The following EFCAB11 variants were observed in gnomAD, a reference collection of about 807,000 sequenced individuals.
The protein encoded by EFCAB11 is EF-hand calcium-binding domain-containing protein 11.
A neutral mutation model predicts 23.0 loss-of-function variants in EFCAB11; 14 were observed. The ratio of observed to expected loss-of-function variants is 0.61; its 90% CI spans 0.40 to 0.95. The LOEUF (loss-of-function observed/expected upper bound fraction) is 0.95. Among genes scored for constraint, EFCAB11 ranks in the 40% least tolerant of loss-of-function variants. The probability of loss-of-function intolerance (pLI) is 0.00; values close to 1 mark genes in which losing one functional copy is unlikely to be tolerated. For synonymous variants in EFCAB11, 65 were observed against 66.6 expected, an observed-to-expected ratio of 0.98 and a Z score of 0.11; for missense variants, 198 against 195.8, an observed-to-expected ratio of 1.01 and a Z score of -0.07.
At chr14:89,921,233 G>A (rs1335956335) in intron 5 of EFCAB11, among the ~76,000 whole-genome samples, 8 of 152,114 alleles carry the variant, frequency 5.3e-5, no homozygotes, top group Non-Finnish European at 1.2e-4. Flanking sequence ...ACAGTATATG[G>A]CAAGAAGACC....
intron 5 of EFCAB11, among the ~76,000 whole-genome samples, chr14:89,853,210 G>C (rs1447335625): frequency 6.6e-6 from 1 of 152,304 alleles, no homozygotes; most frequent in South Asian, 2.1e-4. Flanking sequence ...AATAAAGTCA[G>C]CTAATTGGAG....
chr14:89,915,552 C>T (rs1054821784), intron 5 of EFCAB11, among the ~76,000 whole-genome samples: 12 of 152,244 alleles, frequency 7.9e-5, no homozygotes, highest in African/African-American at 1.4e-4. Context: ...ATTTAATTTA[C>T]GGTGAATCAA....
At chr14:89,902,064 T>C (rs1304596236) in intron 5 of EFCAB11, among the ~76,000 whole-genome samples, 1 of 152,202 alleles carries the variant, frequency 6.6e-6, no homozygotes, top group African/African-American at 2.4e-5. Flanking sequence ...CACAGCATCT[T>C]GCCCTGCCTA....
rs1449153091 is a variant in EFCAB11, at chr14:89,823,569, T to C, written c.411-26245A>G. On this transcript the variant is annotated intron_variant, in intron 5 of 5. Transcript: ENST00000316738. ...TCAGAATCCAATCAAAACATTACTATACATGCTAAGAAGCTGGAAAATGTG... is the reference window on the plus strand; with the variant it reads ...TCAGAATCCAATCAAAACATTACTACACATGCTAAGAAGCTGGAAAATGTG... 7.9e-5 allele frequency among the ~76,000 whole-genome samples: 12 copies of C among 152,246 alleles called. No individual in the cohort carries two copies. The East Asian group carries it at 2.3e-3, about 29-fold the overall frequency.
At chr14:89,845,722 G>A (rs1338067779) in intron 5 of EFCAB11, among the ~76,000 whole-genome samples, 1 of 152,170 alleles carries the variant, frequency 6.6e-6, no homozygotes, top group Non-Finnish European at 1.5e-5. Flanking sequence ...ACTGTATGGG[G>A]TGATGGAATG....
intron 2 of EFCAB11, 40 bp from the exon 3 acceptor site, chr14:89,950,182 C>T (rs1339357906): frequency 6.6e-7 from 1 of 1,520,388 alleles, no homozygotes; most frequent in Admixed American, 1.9e-5. Flanking sequence ...GTAATTTTAT[C>T]ACGTTTTCAC....
At chr14:89,801,670 A>G (rs1447430592) in intron 5 of EFCAB11, among the ~76,000 whole-genome samples, 1 of 152,198 alleles carries the variant, frequency 6.6e-6, no homozygotes, top group African/African-American at 2.4e-5. Context: ...CAAATTTGTA[A>G]AAGTAAAAAT....
chr14:89,888,593 T>A (rs542552296), intron 5 of EFCAB11, among the ~76,000 whole-genome samples: 25 of 152,200 alleles, frequency 1.6e-4, no homozygotes, highest in African/African-American at 5.8e-4. Context: ...GAGGGATCTG[T>A]CCCCATGATC....
chr14:89,954,135 C>T (rs1891324051), intron 1 of EFCAB11, 134 bp from the exon 2 acceptor site: 1 of 901,882 alleles, frequency 1.1e-6, no homozygotes, highest in South Asian at 1.7e-5. Flanking sequence ...ATTTCATTAT[C>T]CCAATATTAA....
At chr14:89,917,036 C>T (rs1346442883) in intron 5 of EFCAB11, among the ~76,000 whole-genome samples, 1 of 149,082 alleles carries the variant, frequency 6.7e-6, no homozygotes, top group Admixed American at 6.7e-5. Flanking sequence ...TTAGCATATC[C>T]ATCACCTGAC....
chr14:89,876,294 G>A (rs1051810854), intron 5 of EFCAB11, among the ~76,000 whole-genome samples: 3 of 152,120 alleles, frequency 2.0e-5, no homozygotes, highest in South Asian at 2.1e-4. Flanking sequence ...AGATGTTTCC[G>A]TTAAACAGAT....
chr14:89,808,691 A>G (rs192567192), intron 5 of EFCAB11, among the ~76,000 whole-genome samples: 23 of 152,376 alleles, frequency 1.5e-4, no homozygotes, highest in Admixed American at 1.4e-3. Flanking sequence ...TAAAAAATGA[A>G]TAACATTTGA....
chr14:89,903,421 T>C (rs926019880), intron 5 of EFCAB11, among the ~76,000 whole-genome samples: 2 of 152,198 alleles, frequency 1.3e-5, no homozygotes, highest in African/African-American at 2.4e-5. Flanking sequence ...TGAAAAAAAT[T>C]ATATACTCCA....
At chr14:89,902,001 C>A in intron 5 of EFCAB11, among the ~76,000 whole-genome samples, 1 of 137,380 alleles carries the variant, frequency 7.3e-6, no homozygotes. Context: ...CATGCATTTC[C>A]GATAAGGGCT....
At chr14:89,892,211 C>T in intron 5 of EFCAB11, 1 of 1,600,676 alleles carries the variant, frequency 6.2e-7, no homozygotes, top group Non-Finnish European at 8.5e-7. Context: ...TGTCTCAGCC[C>T]AGGAGGCCGA....
intron 5 of EFCAB11, chr14:89,837,034 A>G (rs1424578882): frequency 2.2e-6 from 1 of 456,338 alleles, no homozygotes; most frequent in Non-Finnish European, 4.4e-6. Context: ...GAATCTGCAC[A>G]GGTGAGGGGT....
chr14:89,929,685 C>A (rs1890323248), intron 5 of EFCAB11, among the ~76,000 whole-genome samples: 1 of 152,162 alleles, frequency 6.6e-6, no homozygotes, highest in Non-Finnish European at 1.5e-5. Flanking sequence ...CATGCCTGGC[C>A]AGGACATTCC....
intron 3 of EFCAB11, among the ~76,000 whole-genome samples, chr14:89,944,191 A>G (rs908593247): frequency 5.3e-4 from 81 of 152,238 alleles, no homozygotes; most frequent in African/African-American, 1.9e-3. Flanking sequence ...AGCCCCCACG[A>G]TCATAGCGGA....
intron 5 of EFCAB11, among the ~76,000 whole-genome samples, chr14:89,809,660 G>A (rs1157325346): frequency 6.6e-6 from 1 of 152,184 alleles, no homozygotes; most frequent in Non-Finnish European, 1.5e-5. Context: ...AAGTGCAGAA[G>A]TGTAAGAAGA....
Sources: gnomAD v4.1 joint callset for allele counts (sites outside exome capture counted in the v4.1 genomes callset) on GRCh38, gnomAD v4.1.1 for gene constraint, MANE v1.5 for transcripts, NCBI Gene and HGNC (gene_info 2026-07-23, HGNC 2026-07-21) for gene names.